GLRB: variants seen among roughly 807,000 people sequenced by gnomAD.
The protein encoded by GLRB is glycine receptor subunit beta.
GLRB carries 33 observed loss-of-function variants against 54.2 expected under a neutral mutation model. That is an observed-to-expected ratio of 0.61 (90% CI 0.46 to 0.81). GLRB has a LOEUF of 0.81. Ranked by LOEUF, GLRB falls within the 40% of genes least tolerant of loss-of-function variation. GLRB has a pLI of 0.00. For synonymous variants in GLRB, 209 were observed against 208.2 expected, an observed-to-expected ratio of 1.00 and a Z score of -0.03; for missense variants, 572 against 584.6, an observed-to-expected ratio of 0.98 and a Z score of 0.22.
intron 3 of GLRB, among the ~76,000 whole-genome samples, chr4:157,121,478 GA>G (rs963223174): frequency 1.8e-4 from 25 of 137,014 alleles, no homozygotes; most frequent in Non-Finnish European, 2.1e-4. Flanking sequence ...TTTGCCTTTA[GA>G]AAAAAAAAAT....
chr4:157,138,442 C>T (rs1033807613), intron 6 of GLRB, among the ~76,000 whole-genome samples: 6 of 152,120 alleles, frequency 3.9e-5, no homozygotes, highest in Non-Finnish European at 5.9e-5. Flanking sequence ...GAGCATATTA[C>T]ATGATTGTAA....
chr4:157,095,291 GT>G (rs111459574), intron 2 of GLRB, among the ~76,000 whole-genome samples: 6,730 of 117,588 alleles, frequency 0.057, 161 homozygotes, highest in Middle Eastern at 0.089. Flanking sequence ...TGATTCCCAC[GT>G]TTTGTGCCTG....
intron 6 of GLRB, 59 bp from the exon 7 acceptor site, chr4:157,138,750 T>A (rs2126571609): frequency 1.2e-6 from 1 of 848,424 alleles, no homozygotes; most frequent in South Asian, 1.6e-5. Context: ...ATTATGAAAA[T>A]ATTTAAAAAG....
intron 2 of GLRB, among the ~76,000 whole-genome samples, chr4:157,107,014 C>T (rs1184583646): frequency 6.6e-6 from 1 of 152,004 alleles, no homozygotes; most frequent in Non-Finnish European, 1.5e-5. Flanking sequence ...ATATTTCAAT[C>T]TTATGATTAT....
chr4:157,157,495 C>A (rs1282399519), intron 9 of GLRB, among the ~76,000 whole-genome samples: 1 of 152,154 alleles, frequency 6.6e-6, no homozygotes, highest in East Asian at 1.9e-4. Context: ...CCCCGCTCCC[C>A]CCACCCCACG....
intron 2 of GLRB, among the ~76,000 whole-genome samples, chr4:157,111,161 G>C (rs1398673007): frequency 3.3e-5 from 5 of 151,974 alleles, no homozygotes; most frequent in African/African-American, 7.2e-5. Context: ...CCAGTCCCTT[G>C]AGTAGCACCA....
intron 2 of GLRB, among the ~76,000 whole-genome samples, chr4:157,104,383 A>G (rs1168355575): frequency 6.6e-6 from 1 of 152,080 alleles, no homozygotes; most frequent in Non-Finnish European, 1.5e-5. Flanking sequence ...ATGTTGAACT[A>G]TCCTTGTATC....
intron 8 of GLRB, among the ~76,000 whole-genome samples, chr4:157,147,968 A>G (rs1341412755): frequency 6.6e-6 from 1 of 152,214 alleles, no homozygotes; most frequent in East Asian, 1.9e-4. Context: ...TTATTTATAA[A>G]ATAGATGGGT....
intron 9 of GLRB, among the ~76,000 whole-genome samples, chr4:157,154,578 C>A (rs530415765): frequency 6.6e-6 from 1 of 152,042 alleles, no homozygotes; most frequent in East Asian, 1.9e-4. Flanking sequence ...CAGGCACCTG[C>A]CACCATGTCT....
intron 2 of GLRB, chr4:157,091,289 T>C (rs1239639175): frequency 6.6e-6 from 1 of 152,226 alleles, no homozygotes; most frequent in Non-Finnish European, 1.5e-5. Context: ...TAATATTTTT[T>C]ATTAATTCTT....
At chr4:157,105,080 C>T (rs1735172394) in intron 2 of GLRB, among the ~76,000 whole-genome samples, 2 of 151,108 alleles carry the variant, frequency 1.3e-5, no homozygotes, top group Non-Finnish European at 1.5e-5. Flanking sequence ...CTTCTGCTAA[C>T]TTTGGGCTTT....
intron 4 of GLRB, among the ~76,000 whole-genome samples, chr4:157,122,890 A>C (rs1359862761): frequency 6.6e-6 from 1 of 151,728 alleles, no homozygotes; most frequent in African/African-American, 2.4e-5. Context: ...GGCAATGTGA[A>C]CGCCTTGAAA....
At chr4:157,130,479 C>T (rs905211399) in intron 4 of GLRB, among the ~76,000 whole-genome samples, 11 of 151,640 alleles carry the variant, frequency 7.3e-5, no homozygotes, top group Non-Finnish European at 1.3e-4. Context: ...TATTCCTGCT[C>T]TAAGTAATAA....
chr4:157,148,972 T>C (rs1439646969), intron 8 of GLRB, among the ~76,000 whole-genome samples: 1 of 152,122 alleles, frequency 6.6e-6, no homozygotes, highest in Non-Finnish European at 1.5e-5. Context: ...GGTCTGTTAT[T>C]AGACCCTAAA....
chr4:157,094,160 C>G (rs1734721170), intron 2 of GLRB, among the ~76,000 whole-genome samples: 1 of 151,924 alleles, frequency 6.6e-6, no homozygotes, highest in Admixed American at 6.6e-5. Context: ...ACCTTGGTAA[C>G]CAGCACACGG....
At chr4:157,119,010 A>C (rs1008363034) in intron 2 of GLRB, among the ~76,000 whole-genome samples, 1 of 151,572 alleles carries the variant, frequency 6.6e-6, no homozygotes, top group Non-Finnish European at 1.5e-5. Flanking sequence ...TCAAACAAAA[A>C]CAACAAAACA....
At chr4:157,138,185 C>A (rs1187853462) in intron 6 of GLRB, among the ~76,000 whole-genome samples, 1 of 152,144 alleles carries the variant, frequency 6.6e-6, no homozygotes, top group Admixed American at 6.5e-5. Flanking sequence ...AATTCTCCTG[C>A]CTCAGCCTCC....
intron 8 of GLRB, among the ~76,000 whole-genome samples, chr4:157,145,004 C>T (rs1056301307): frequency 4.6e-5 from 7 of 152,144 alleles, no homozygotes; most frequent in African/African-American, 1.7e-4. Context: ...ATTATATTTA[C>T]TGGGAAAATA....
intron 8 of GLRB, among the ~76,000 whole-genome samples, chr4:157,144,292 CGAAG>C (rs1736727432): frequency 2.6e-5 from 4 of 152,036 alleles, no homozygotes. Context: ...ATAACTATTT[CGAAG>C]GAAGTCTTTC....
Sources: gnomAD v4.1 joint callset for allele counts (sites outside exome capture counted in the v4.1 genomes callset) on GRCh38, gnomAD v4.1.1 for gene constraint, MANE v1.5 for transcripts, NCBI Gene and HGNC (gene_info 2026-07-23, HGNC 2026-07-21) for gene names.